PON3: variants seen among roughly 807,000 people sequenced by gnomAD.
PON3 encodes the protein serum paraoxonase/lactonase 3.
A neutral mutation model predicts 36.3 loss-of-function variants in PON3; 37 were observed. The observed-to-expected ratio is 1.02, with a 90% confidence interval of 0.78 to 1.34. The LOEUF (loss-of-function observed/expected upper bound fraction) is 1.34. Among genes scored for constraint, PON3 ranks in the 40% most tolerant of loss-of-function variants. The probability of loss-of-function intolerance (pLI) is 0.00; values close to 1 mark genes in which losing one functional copy is unlikely to be tolerated. For missense variants in PON3, 415 were observed against 426.5 expected, an observed-to-expected ratio of 0.97 and a Z score of 0.24; for synonymous variants, 155 against 154.8, an observed-to-expected ratio of 1.00 and a Z score of -0.01.
intron 3 of PON3, chr7:95,377,595 T>G (rs1279730745): frequency 4.7e-6 from 2 of 428,354 alleles, no homozygotes; most frequent in Admixed American, 2.5e-5. Flanking sequence ...CAGCAATATT[T>G]GCCGTTCTGC....
chr7:95,365,735 A>T (rs1052593203), intron 5 of PON3: 2 of 152,154 alleles, frequency 1.3e-5, no homozygotes, highest in African/African-American at 4.8e-5. Context: ...GGGCCATGTT[A>T]TCTCTGAAGG....
chr7:95,385,172 GA>G (rs1809160152), intron 3 of PON3, among the ~76,000 whole-genome samples: 1 of 152,024 alleles, frequency 6.6e-6, no homozygotes, highest in Non-Finnish European at 1.5e-5. Flanking sequence ...TTGGACACGG[GA>G]AGGGGAACAT....
intron 2 of PON3, among the ~76,000 whole-genome samples, 168 bp downstream of exon 2, chr7:95,394,476 C>A (rs1214514735): frequency 6.6e-6 from 1 of 152,080 alleles, no homozygotes; most frequent in East Asian, 1.9e-4. Flanking sequence ...CAAAGAATGT[C>A]ATTTAGTACA....
intron 3 of PON3, among the ~76,000 whole-genome samples, chr7:95,385,404 C>T (rs1376658993): frequency 6.6e-6 from 1 of 151,922 alleles, no homozygotes. Flanking sequence ...TACAGGAGCA[C>T]CCAGATTCAT....
chr7:95,370,586 G>A (rs543563818), intron 4 of PON3, among the ~76,000 whole-genome samples: 4 of 152,270 alleles, frequency 2.6e-5, no homozygotes, highest in Non-Finnish European at 2.9e-5. Context: ...AGATTTCATG[G>A]AATTCTAGCA....
At chr7:95,395,882 C>T (rs994645684) in intron 1 of PON3, 7 of 315,170 alleles carry the variant, frequency 2.2e-5, no homozygotes, top group African/African-American at 1.5e-4. Flanking sequence ...CTCAGTCAGC[C>T]GTAAACATCC....
chr7:95,391,940 GGC>G (rs1392030555), intron 2 of PON3, among the ~76,000 whole-genome samples: 3 of 152,150 alleles, frequency 2.0e-5, no homozygotes, highest in Non-Finnish European at 4.4e-5. Context: ...AGAGTAAAAA[GGC>G]ATAGAAGGAA....
At chr7:95,392,177 G>A (rs1809333701) in intron 2 of PON3, among the ~76,000 whole-genome samples, 1 of 152,216 alleles carries the variant, frequency 6.6e-6, no homozygotes, top group African/African-American at 2.4e-5. Flanking sequence ...ATATATATCA[G>A]TATTGTCCTA....
intron 2 of PON3, 104 bp from the exon 3 acceptor site, chr7:95,390,313 T>C (rs1809291733): frequency 2.1e-6 from 2 of 940,578 alleles, no homozygotes; most frequent in Non-Finnish European, 3.5e-6. Context: ...TTTTGGAAAT[T>C]GTTGACTTGT....
At chr7:95,372,524 C>A (rs545404513) in intron 3 of PON3, among the ~76,000 whole-genome samples, 186 bp from the exon 4 acceptor site, 84 of 152,220 alleles carry the variant, frequency 5.5e-4, no homozygotes, top group Non-Finnish European at 9.9e-4. Flanking sequence ...GTCATCTAAA[C>A]ATTGGCTATG....
chr7:95,375,239 T>C (rs1340125326), intron 3 of PON3, among the ~76,000 whole-genome samples: 1 of 151,446 alleles, frequency 6.6e-6, no homozygotes. Context: ...ATTTAATGTA[T>C]ATATGTATAT....
intron 1 of PON3, 56 bp downstream of exon 1, chr7:95,396,221 T>C: frequency 1.9e-6 from 3 of 1,588,054 alleles, no homozygotes; most frequent in Non-Finnish European, 2.6e-6. Flanking sequence ...GCCCCTGACC[T>C]CACTTGGAAG....
At chr7:95,376,532 G>A (rs1258685561) in intron 3 of PON3, among the ~76,000 whole-genome samples, 1 of 151,834 alleles carries the variant, frequency 6.6e-6, no homozygotes, top group East Asian at 1.9e-4. Context: ...ATTTACAAAA[G>A]GAGATCCATT....
Position 95,390,227 on chromosome 7 carries a change from A to ATATATAT in PON3, c.146-19_146-18insATATATA. On this transcript the variant is annotated intron_variant, in intron 2 of 8. Transcript: ENST00000265627. ...GCCACTTTCTGCAAAAGAAGGGTAG[A>ATATATAT]ATCAGAAAAATGCATATATGAAGGC... 1 of 1,587,932 alleles carries ATATATAT rather than the reference A, an allele frequency of 6.3e-7. No individual in the cohort carries two copies. Among genetic ancestry groups the ATATATAT allele is most frequent in the East Asian group, 2.2e-5 (1 of 44,748 alleles).
At chr7:95,387,151 G>GA (rs1399549498) in intron 3 of PON3, among the ~76,000 whole-genome samples, 1 of 152,154 alleles carries the variant, frequency 6.6e-6, no homozygotes, top group Non-Finnish European at 1.5e-5. Context: ...TTGGACAAGA[G>GA]AAAGAAATAA....
At chr7:95,363,688 A>T in intron 6 of PON3, 175 bp downstream of exon 6, 3 of 696,810 alleles carry the variant, frequency 4.3e-6, no homozygotes, top group Non-Finnish European at 7.4e-6. Context: ...CTAAAGTCCA[A>T]GGAAACAAAT....
chr7:95,368,812 AAC>A (rs1460094603), intron 4 of PON3, among the ~76,000 whole-genome samples: 4 of 114,910 alleles, frequency 3.5e-5, no homozygotes, highest in East Asian at 4.4e-4. Flanking sequence ...AACAAAAACA[AAC>A]AAAAAAAAAA....
At chr7:95,360,959 C>T (rs1488445998) in intron 8 of PON3, among the ~76,000 whole-genome samples, 1 of 151,962 alleles carries the variant, frequency 6.6e-6, no homozygotes, top group Non-Finnish European at 1.5e-5. Flanking sequence ...TAAAGGGTGT[C>T]AGTAATTGTG....
intron 2 of PON3, among the ~76,000 whole-genome samples, chr7:95,390,885 G>C (rs538464112): frequency 2.6e-5 from 4 of 152,268 alleles, no homozygotes; most frequent in African/African-American, 7.2e-5. Context: ...CTGCACGACA[G>C]GCCCCATGCA....
Sources: allele counts gnomAD v4.1 joint callset (sites outside exome capture counted in the v4.1 genomes callset), GRCh38; gene constraint gnomAD v4.1.1; transcripts MANE v1.5; gene names NCBI Gene and HGNC (gene_info 2026-07-23, HGNC 2026-07-21).